The following RAB11FIP2 variants were observed in gnomAD, a reference collection of about 807,000 sequenced individuals.
RAB11FIP2 encodes the protein RAB11 family interacting protein 2.
A neutral mutation model predicts 40.9 loss-of-function variants in RAB11FIP2; 16 were observed. The observed-to-expected ratio is 0.39, with a 90% CI of 0.26 to 0.59. RAB11FIP2 has a LOEUF of 0.59. Ranked by LOEUF, RAB11FIP2 falls within the 20% of genes least tolerant of loss-of-function variation. The pLI is 0.53. For missense variants in RAB11FIP2, 532 were observed against 606.2 expected (o/e 0.88, Z 1.28); for synonymous variants, 228 against 213.7 (o/e 1.07, Z -0.58).
At chr10:118,031,187 AAAC>A (rs1235405832) in intron 3 of RAB11FIP2, among the ~76,000 whole-genome samples, 1 of 152,200 alleles carries the variant, frequency 6.6e-6, no homozygotes, top group Non-Finnish European at 1.5e-5. Context: ...ATTGCTATTA[AAAC>A]AAATCCTTTG....
At chr10:118,024,123 A>T (rs1321612755) in intron 3 of RAB11FIP2, among the ~76,000 whole-genome samples, 1 of 151,730 alleles carries the variant, frequency 6.6e-6, no homozygotes, top group East Asian at 1.9e-4. Flanking sequence ...AATAGAAATA[A>T]TTATTTCAAA....
In RAB11FIP2 at chr10:118,039,230, A is replaced by G. The variant is rs1846522134; in HGVS notation, c.1007T>C (p.Met336Thr). 1 of 1,613,620 alleles carries G rather than the reference A, an allele frequency of 6.2e-7. No individual in the cohort carries two copies. Among genetic ancestry groups the G allele is most frequent in the East Asian group, 2.2e-5 (1 of 44,854 alleles). The change falls in exon 3 of 5, where the codon ATG becomes ACG. Residue 336 changes from methionine (M) to threonine (T), a missense_variant. Transcript: ENST00000355624. Reference sequence around the variant, plus strand: ...TTCAATTGGTTTTGAAAATAAATTCATGCTGCTGTCCCATGTTTCGCTGCT... The same window carrying G: ...TTCAATTGGTTTTGAAAATAAATTCGTGCTGCTGTCCCATGTTTCGCTGCT... Reference protein sequence around the residue: ...EESSETWDSSMNLFSKPIEIR... With the variant: ...EESSETWDSSTNLFSKPIEIR...
In RAB11FIP2 at chr10:118,040,389, T is replaced by C. The variant is rs1846541617; in HGVS notation, c.530A>G (p.Asp177Gly). Residue 177 changes from aspartate to glycine, a missense_variant, in exon 2 of 5, where the codon GAT becomes GGT. Physicochemically the swap from Asp to Gly is moderately conservative, Grantham distance 94. Coordinates refer to ENST00000355624, the MANE Select transcript of RAB11FIP2 (RefSeq NM_014904.3). ...AGAAGACGTATCAGAAAATGTTCCATCATTTTTTCTACCCTTCATCTTATC... is the reference window on the plus strand; with the variant it reads ...AGAAGACGTATCAGAAAATGTTCCACCATTTTTTCTACCCTTCATCTTATC... ...LKDKMKGRKN[D>G]GTFSDTSSAI... is the part of the protein sequence containing the mutation. 4.3e-6 allele frequency: 7 copies of C among 1,613,836 alleles called. No individual in the cohort carries two copies. The East Asian group carries it at 8.9e-5, about 21-fold the overall frequency.
chr10:118,045,852 A>G lies in RAB11FIP2; in HGVS notation c.312T>C (p.Asn104=). ...GTTTGTCCTCAAAGATGTCATTGAG[A>G]TTGATTGCCACCTGCCCTAAAAATT... The part of the protein sequence containing the change: ...LDKFLGQVAI[N]LNDIFEDKQR... The change falls in exon 1 of 5, where the codon AAT becomes AAC. Residue 104 remains asparagine, a synonymous_variant. Coordinates refer to ENST00000355624, the MANE Select transcript of RAB11FIP2 (RefSeq NM_014904.3). 1 of 1,613,536 alleles carries G rather than the reference A, an allele frequency of 6.2e-7. No homozygotes were observed. Among genetic ancestry groups the G allele is most frequent in the Non-Finnish European group, 8.5e-7 (1 of 1,179,738 alleles).
chr10:118,008,230 A>G lies in RAB11FIP2; in HGVS notation c.*768T>C, dbSNP rs1846116716. On this transcript the variant is annotated 3_prime_UTR_variant, in exon 5 of 5. Transcript: ENST00000355624. Reference sequence around the variant, plus strand: ...TTGTCATTCTTTAAAAAAGGACTTGAGATCATCACTTTTGGGGAAAGAGAA... The same window carrying G: ...TTGTCATTCTTTAAAAAAGGACTTGGGATCATCACTTTTGGGGAAAGAGAA... The G allele has an allele frequency of 6.6e-6, 1 of 152,198 alleles. No homozygotes were observed. 9.4% of individuals were successfully genotyped at this position (152,198 alleles called of 1,614,324 possible).
At position 118,046,125 on chromosome 10, in the gene RAB11FIP2, G is replaced by C. The variant is rs1259213943; in HGVS notation, c.39C>G (p.Thr13=). The C allele has an allele frequency of 1.2e-6, 2 of 1,614,184 alleles. No homozygotes were observed. Among genetic ancestry groups the C allele is most frequent in the Admixed American group, 3.3e-5 (2 of 60,024 alleles). The change falls in exon 1 of 5, where the codon ACC becomes ACG. Residue 13 remains threonine (T), a synonymous_variant. Transcript: ENST00000355624. Reference sequence around the variant, plus strand: ...CTTGGAGCACTGTGACCTGCACGTGGGTTGGAAACCACTTTTGGGCTTGCT... The same window carrying C: ...CTTGGAGCACTGTGACCTGCACGTGCGTTGGAAACCACTTTTGGGCTTGCT... ...LSEQAQKWFP[T]HVQVTVLQAK... is the part of the protein sequence containing the mutation.
chr10:118,033,075 A>T (rs1333061794), intron 3 of RAB11FIP2, among the ~76,000 whole-genome samples: 5 of 152,064 alleles, frequency 3.3e-5, no homozygotes, highest in Non-Finnish European at 7.4e-5. Context: ...ATATATGTAT[A>T]GAAAAAAAAA....
In RAB11FIP2 at chr10:118,046,350, C is replaced by T. The variant is rs1846637490; in HGVS notation, c.-187G>A. The T allele has an allele frequency of 3.4e-6, 2 of 592,068 alleles. No homozygotes were observed. The highest frequency in any genetic ancestry group is 6.0e-6 in the Non-Finnish European group (2 of 336,050). The allele number at this position is 592,068 out of a possible 1,614,324, so 36.7% of individuals were successfully genotyped here. A position where few individuals can be genotyped will look rare whatever the true frequency, so the allele number is the denominator to read the frequency against. On this transcript the variant is annotated 5_prime_UTR_variant, in exon 1 of 5. Coordinates refer to ENST00000355624, the MANE Select transcript of RAB11FIP2 (RefSeq NM_014904.3). ...GGGCAGCCCAGGGGCACGGCCGCTCCGGGGGTCCCCTTTCGTCTGGAGAAA... is the reference window on the plus strand; with the variant it reads ...GGGCAGCCCAGGGGCACGGCCGCTCTGGGGGTCCCCTTTCGTCTGGAGAAA...
rs780638064 is a variant in RAB11FIP2, at chr10:118,040,298, C to A, written c.621G>T (p.Met207Ile). ...GAAAAGGCTTTTTTGGTTTGGATTT[C>A]ATCTGTATTTCACCACTTGAAAATT... ...NSEFSSGEIQ[M>I]KSKPKKPFLL... Residue 207 changes from methionine to isoleucine, a missense_variant, in exon 2 of 5, where the codon ATG (methionine) becomes ATT (isoleucine). Coordinates refer to ENST00000355624, the MANE Select transcript of RAB11FIP2 (RefSeq NM_014904.3). 7.2e-5 allele frequency: 116 copies of A among 1,613,374 alleles called. No individual in the cohort carries two copies. The highest frequency in any genetic ancestry group is 9.4e-5 in the Non-Finnish European group (111 of 1,179,672).
chr10:118,045,523 A>T lies in RAB11FIP2; in HGVS notation c.353+288T>A, dbSNP rs116931187. The T allele has an allele frequency of 3.4e-3, 1,113 of 326,430 alleles. 7 individuals are homozygous for T. Among genetic ancestry groups the T allele is most frequent in the Non-Finnish European group, 4.6e-3 (813 of 176,614 alleles). The allele number at this position is 326,430 out of a possible 1,614,324, so 20.2% of individuals were successfully genotyped here. ...TTCTAGTTGGTCAATACTGTGATCC[A>T]GTCCTCATACTGAAACAATGTTAAC... On this transcript the variant is annotated intron_variant, in intron 1 of 4. Coordinates refer to ENST00000355624, the MANE Select transcript of RAB11FIP2 (RefSeq NM_014904.3).
At chr10:118,040,972 C>A (rs1044137617) in intron 1 of RAB11FIP2, among the ~76,000 whole-genome samples, 2 of 151,752 alleles carry the variant, frequency 1.3e-5, no homozygotes, top group Non-Finnish European at 2.9e-5. Flanking sequence ...AAGAATTCAC[C>A]AATACAAATT....
intron 3 of RAB11FIP2, among the ~76,000 whole-genome samples, chr10:118,024,575 G>T (rs1293051389): frequency 6.6e-6 from 1 of 150,914 alleles, no homozygotes; most frequent in African/African-American, 2.4e-5. Flanking sequence ...CAAGGCACCT[G>T]CAGGGCCAAA....
chr10:118,010,423 T>C (rs1846142140), intron 4 of RAB11FIP2, among the ~76,000 whole-genome samples: 1 of 152,110 alleles, frequency 6.6e-6, no homozygotes, highest in Admixed American at 6.6e-5. Context: ...GAATGCAGAA[T>C]GACCCCCACC....
chr10:118,021,733 C>T (rs1846285663), intron 3 of RAB11FIP2, among the ~76,000 whole-genome samples: 2 of 152,334 alleles, frequency 1.3e-5, no homozygotes, highest in Admixed American at 1.3e-4. Flanking sequence ...CAAATGGGTG[C>T]TCCTTTTTGA....
At chr10:118,034,285 G>C (rs1397748415) in intron 3 of RAB11FIP2, among the ~76,000 whole-genome samples, 1 of 151,802 alleles carries the variant, frequency 6.6e-6, no homozygotes, top group Middle Eastern at 3.2e-3. Context: ...ACATTCCATG[G>C]GCCAGACCTG....
chr10:118,014,971 G>C, intron 4 of RAB11FIP2, 94 bp downstream of exon 4: 1 of 1,047,312 alleles, frequency 9.5e-7, no homozygotes, highest in Non-Finnish European at 1.4e-6. Context: ...AAGTGAGGCA[G>C]AAGGCAAGAA....
At chr10:118,041,654 T>G (rs1221875674) in intron 1 of RAB11FIP2, among the ~76,000 whole-genome samples, 1 of 151,874 alleles carries the variant, frequency 6.6e-6, no homozygotes, top group African/African-American at 2.4e-5. Context: ...AAAGGAACTC[T>G]GATCTAATTT....
chr10:118,034,356 TAA>T (rs56136005), intron 3 of RAB11FIP2, among the ~76,000 whole-genome samples: 2 of 145,682 alleles, frequency 1.4e-5, no homozygotes, highest in Admixed American at 6.8e-5. Flanking sequence ...ATGTCCTAGT[TAA>T]AAAAAAAAAA....
At chr10:118,030,713 C>T (rs1846402901) in intron 3 of RAB11FIP2, among the ~76,000 whole-genome samples, 1 of 151,132 alleles carries the variant, frequency 6.6e-6, no homozygotes, top group African/African-American at 2.4e-5. Flanking sequence ...AAAAAACCAG[C>T]AAAGTTTGTC....
Sources: allele counts gnomAD v4.1 joint callset (sites outside exome capture counted in the v4.1 genomes callset), GRCh38; gene constraint gnomAD v4.1.1; transcripts MANE v1.5; gene names NCBI Gene and HGNC (gene_info 2026-07-23, HGNC 2026-07-21).